The following RGS8 variants were observed in gnomAD, a reference collection of about 807,000 sequenced individuals.
The protein encoded by RGS8 is regulator of G protein signaling 8, also known as regulator of G-protein signaling 8.
RGS8 carries 8 observed loss-of-function variants against 21.7 expected under a neutral mutation model. That is an observed-to-expected ratio of 0.37 (90% confidence interval 0.22 to 0.66). RGS8 has a LOEUF of 0.66. Among genes scored for constraint, RGS8 ranks in the 30% least tolerant of loss-of-function variants. RGS8 has a pLI of 0.59. For synonymous variants in RGS8, 80 were observed against 83.6 expected (o/e 0.96, Z 0.24); for missense variants, 157 against 217.9 (o/e 0.72, Z 1.76).
At chr1:182,666,124 G>T in intron 4 of RGS8, 91 bp from the exon 6 acceptor site, 2 of 1,076,672 alleles carry the variant, frequency 1.9e-6, no homozygotes, top group Non-Finnish European at 1.4e-6. Flanking sequence ...AAACAAATTG[G>T]AAAAATGTGG....
chr1:182,750,716 G>A, the RGS8 span, among the ~76,000 whole-genome samples: 100 of 152,242 alleles, frequency 6.6e-4, 3 homozygotes, highest in East Asian at 0.014. Flanking sequence ...TGTTTATGAA[G>A]TAGGCAAAGA....
At chr1:182,666,146 G>C in intron 4 of RGS8, 113 bp from the exon 6 acceptor site, 1 of 786,596 alleles carries the variant, frequency 1.3e-6, no homozygotes, top group Non-Finnish European at 2.1e-6. Flanking sequence ...GAAGGGTGCA[G>C]GGAGCAAATG....
chr1:182,669,533 G>C, intron 3 of RGS8, 91 bp downstream of exon 4: 3 of 1,589,002 alleles, frequency 1.9e-6, no homozygotes, highest in Non-Finnish European at 1.7e-6. Flanking sequence ...GGCTCAGAAG[G>C]CTTGGGCCAG....
chr1:182,713,778 T>C, the RGS8 span, among the ~76,000 whole-genome samples: 1 of 152,212 alleles, frequency 6.6e-6, no homozygotes, highest in Non-Finnish European at 1.5e-5. Context: ...ATGGTACGCA[T>C]ACACGCCAGC....
At chr1:182,730,663 TC>T in the RGS8 span, among the ~76,000 whole-genome samples, 1 of 140,668 alleles carries the variant, frequency 7.1e-6, no homozygotes, top group Non-Finnish European at 1.5e-5. Context: ...TGAGCCAAGA[TC>T]CCGCCACTGC....
intron 5 of RGS8, among the ~76,000 whole-genome samples, chr1:182,662,708 C>T (rs576598044): frequency 4.6e-5 from 7 of 152,106 alleles, no homozygotes; most frequent in East Asian, 1.9e-4. Flanking sequence ...TTGAGGCCAC[C>T]CAGCGTGTAG....
intron 5 of RGS8, among the ~76,000 whole-genome samples, chr1:182,665,605 G>A (rs540209210): frequency 3.3e-5 from 5 of 152,198 alleles, no homozygotes; most frequent in African/African-American, 4.8e-5. Context: ...CATAATTTGC[G>A]GGGAGGCCAT....
the RGS8 span, among the ~76,000 whole-genome samples, chr1:182,735,656 G>A: frequency 6.6e-6 from 1 of 152,214 alleles, no homozygotes; most frequent in East Asian, 1.9e-4. Flanking sequence ...TTTTTGCCAA[G>A]AACCAGTCCT....
Position 182,671,744 on chromosome 1 carries a change from A to G in RGS8, c.-177-14T>C. On this transcript the variant is annotated splice_polypyrimidine_tract_variant and intron_variant, in intron 1 of 6. Coordinates refer to ENST00000483095, the Ensembl canonical transcript of RGS8. The stretch of plus-strand genomic sequence containing the variant: ...GGTTAAGGTGTTCTGGGGAAAAAGT[A>G]GATCTTTCTTTTAGCAGTCAAATCC... 1.2e-6 allele frequency: 2 copies of G among 1,614,052 alleles called. No individual in the cohort carries two copies. Among genetic ancestry groups the G allele is most frequent in the Non-Finnish European group, 1.7e-6 (2 of 1,179,944 alleles).
At position 182,684,241 on chromosome 1, in the gene RGS8, A is replaced by G. The variant is rs888393145; in HGVS notation, n.221+115T>C. On this transcript the variant is annotated intron_variant and non_coding_transcript_variant, in intron 1 of 4. Transcript: ENST00000515211. The surrounding 1 kb of genome is among the most constrained non-coding windows in gnomAD (Gnocchi z 4.2). ...TAAATGGGGACAATGACAGGAGGCC[A>G]GAACCTTTTCTGCCCTGCAGTGCCC... 2 of 152,462 alleles carry G rather than the reference A, an allele frequency of 1.3e-5. No homozygotes were observed. The highest frequency in any genetic ancestry group is 4.1e-4 in the South Asian group (2 of 4,828). The allele number at this position is 152,462 out of a possible 1,614,324, so 9.4% of individuals were successfully genotyped here. A position where few individuals can be genotyped will look rare whatever the true frequency, so the allele number is the denominator to read the frequency against.
chr1:182,750,120 T>C, the RGS8 span, among the ~76,000 whole-genome samples: 1 of 152,254 alleles, frequency 6.6e-6, no homozygotes, highest in Non-Finnish European at 1.5e-5. Flanking sequence ...GAAAATTATT[T>C]AGTGAATGCA....
chr1:182,676,626 T>A (rs1664370489), upstream of RGS8, among the ~76,000 whole-genome samples: 1 of 152,162 alleles, frequency 6.6e-6, no homozygotes, highest in Non-Finnish European at 1.5e-5. Context: ...AGTTCAAGCA[T>A]CCACATATTT....
At chr1:182,705,888 G>A in the RGS8 span, among the ~76,000 whole-genome samples, 29 of 152,288 alleles carry the variant, frequency 1.9e-4, 1 homozygote, top group Admixed American at 1.3e-4. Flanking sequence ...GTGGGTATGG[G>A]GCAGAGGACA....
chr1:182,674,703 C>T (rs764969296), upstream of RGS8, among the ~76,000 whole-genome samples: 4 of 152,122 alleles, frequency 2.6e-5, no homozygotes, highest in East Asian at 1.9e-4. Flanking sequence ...GTTAAGTGCT[C>T]GTGAGAAAGG....
chr1:182,739,813 C>T, the RGS8 span, among the ~76,000 whole-genome samples: 2 of 152,122 alleles, frequency 1.3e-5, no homozygotes, highest in Non-Finnish European at 2.9e-5. Flanking sequence ...ATCACGCTAA[C>T]AGGCAGCAAC....
the RGS8 span, among the ~76,000 whole-genome samples, chr1:182,742,215 T>A: frequency 1.1e-4 from 16 of 143,154 alleles, no homozygotes; most frequent in African/African-American, 4.0e-4. Flanking sequence ...ACTTCCTAGA[T>A]GGGATGGCGG....
chr1:182,671,713 G>T (rs115960776), exon 2 of RGS8: 2 of 1,614,142 alleles, frequency 1.2e-6, no homozygotes, highest in African/African-American at 1.3e-5. Flanking sequence ...GGTCAGAGAG[G>T]CTTCGGGTTA....
At chr1:182,741,231 G>A in the RGS8 span, among the ~76,000 whole-genome samples, 3 of 145,158 alleles carry the variant, frequency 2.1e-5, no homozygotes, top group Non-Finnish European at 4.6e-5. Context: ...CCGGGCAGAG[G>A]GGCTCCTCAC....
chr1:182,734,477 G>GA, the RGS8 span: 3 of 152,154 alleles, frequency 2.0e-5, no homozygotes, highest in Non-Finnish European at 4.4e-5. Flanking sequence ...ATAAGCTACA[G>GA]AAAAAATAAC....
Sources: allele counts gnomAD v4.1 joint callset (sites outside exome capture counted in the v4.1 genomes callset), GRCh38; gene constraint gnomAD v4.1.1; non-coding constraint Gnocchi (gnomAD v3.1); transcripts MANE v1.5; gene names NCBI Gene and HGNC (gene_info 2026-07-23, HGNC 2026-07-21).